RNLS: variants seen among roughly 807,000 people sequenced by gnomAD.
RNLS encodes renalase, FAD dependent amine oxidase, also known as renalase.
RNLS carries 39 observed loss-of-function variants against 39.8 expected under a neutral mutation model. The observed-to-expected ratio is 0.98, with a 90% CI of 0.76 to 1.28. The LOEUF is 1.28. RNLS is among the 50% of genes most tolerant of loss of function. The probability of loss-of-function intolerance (pLI) is 0.00; values close to 1 mark genes in which losing one functional copy is unlikely to be tolerated. For missense variants in RNLS, 410 were observed against 413.3 expected (o/e 0.99, Z 0.07); for synonymous variants, 147 against 150.7 (o/e 0.98, Z 0.18).
At chr10:88,213,223 T>TG in the RNLS span, among the ~76,000 whole-genome samples, 2 of 152,098 alleles carry the variant, frequency 1.3e-5, no homozygotes, top group Non-Finnish European at 1.5e-5. Context: ...AAAAATAATT[T>TG]GGGGGGCAGG....
intron 4 of RNLS, among the ~76,000 whole-genome samples, chr10:88,553,762 T>G (rs1848712882): frequency 6.6e-6 from 1 of 152,168 alleles, no homozygotes; most frequent in African/African-American, 2.4e-5. Flanking sequence ...TTAAATATAT[T>G]AGTTCAAGTC....
chr10:88,205,817 C>T, the RNLS span, among the ~76,000 whole-genome samples: 1 of 152,218 alleles, frequency 6.6e-6, no homozygotes, highest in African/African-American at 2.4e-5. Flanking sequence ...CATGTATACC[C>T]TGGAAGAGGA....
In RNLS at chr10:88,435,634, AC is replaced by A. The variant is rs530981325; in HGVS notation, c.527-72910del. Among the ~76,000 whole-genome samples the A allele has an allele frequency of 1.8e-4, 27 of 152,276 alleles. 1 individual carries two copies. Among genetic ancestry groups the A allele is most frequent in the African/African-American group, 6.0e-4 (25 of 41,576 alleles). ...CTGGAATTAGAAGTTTCCAGACAAC[AC>A]AAAAACTATCTCAATAGATAGCTGG... On this transcript the variant is annotated intron_variant, in intron 4 of 6. Transcript: ENST00000331772.
intron 4 of RNLS, among the ~76,000 whole-genome samples, chr10:88,452,239 G>C (rs1447770818): frequency 1.3e-5 from 2 of 152,124 alleles, no homozygotes; most frequent in East Asian, 3.8e-4. Flanking sequence ...TGATAGTCTA[G>C]TACAAAGATC....
intron 5 of RNLS, chr10:88,343,931 G>T: frequency 2.2e-6 from 1 of 448,130 alleles, no homozygotes; most frequent in Non-Finnish European, 2.9e-6. Flanking sequence ...CTTCCACAAT[G>T]CCTAAAAAAG....
At chr10:88,270,207 T>C (rs958186103), downstream of RNLS, among the ~76,000 whole-genome samples, 2 of 152,174 alleles carry the variant, frequency 1.3e-5, no homozygotes, top group Non-Finnish European at 2.9e-5. Flanking sequence ...TTGATCGACC[T>C]TTGTACTCCA....
chr10:88,449,461 G>T (rs1842241421), intron 4 of RNLS, among the ~76,000 whole-genome samples: 1 of 152,180 alleles, frequency 6.6e-6, no homozygotes, highest in Non-Finnish European at 1.5e-5. Context: ...TCCTCATTCT[G>T]ATTAATTTAT....
the RNLS span, among the ~76,000 whole-genome samples, chr10:88,231,657 GGGCTGGTAGGGGCGTAA>G: frequency 1.3e-5 from 2 of 152,306 alleles, no homozygotes. Flanking sequence ...AGAAGTGTCA[GGGCTGGTAGGGGCGTAA>G]GGCTGAAACC....
chr10:88,467,244 T>G (rs376954712), intron 4 of RNLS, among the ~76,000 whole-genome samples: 1 of 150,184 alleles, frequency 6.7e-6, no homozygotes, highest in Non-Finnish European at 1.5e-5. Context: ...AAAGGAAAAG[T>G]TTTTTTCAAA....
chr10:88,463,994 G>A (rs1843072714), intron 4 of RNLS, among the ~76,000 whole-genome samples: 1 of 151,960 alleles, frequency 6.6e-6, no homozygotes, highest in Non-Finnish European at 1.5e-5. Context: ...CCTTGAGTAT[G>A]TAGAACAATG....
At chr10:88,480,821 A>ATG (rs1844118961) in intron 4 of RNLS, among the ~76,000 whole-genome samples, 3 of 98,432 alleles carry the variant, frequency 3.0e-5, no homozygotes, top group African/African-American at 1.3e-4. Context: ...GTGTGTGTGT[A>ATG]TGTGTTCTAT....
the RNLS span, among the ~76,000 whole-genome samples, chr10:88,173,004 C>T: frequency 1.3e-5 from 2 of 151,020 alleles, no homozygotes; most frequent in Non-Finnish European, 3.0e-5. Context: ...CTACAGGCAC[C>T]CACCACCACG....
At chr10:88,447,757 A>T (rs1842128061) in intron 4 of RNLS, among the ~76,000 whole-genome samples, 1 of 152,210 alleles carries the variant, frequency 6.6e-6, no homozygotes, top group Non-Finnish European at 1.5e-5. Context: ...ACTTCAAACT[A>T]AACTACAAGG....
chr10:88,203,460 A>G, the RNLS span, among the ~76,000 whole-genome samples: 2 of 1,274 alleles, frequency 1.6e-3, 1 homozygote, highest in African/African-American at 0.016. Flanking sequence ...GTGTGTGTAT[A>G]TATATATATA....
intron 6 of RNLS, chr10:88,309,382 C>T: frequency 1.6e-6 from 2 of 1,285,848 alleles, no homozygotes; most frequent in Non-Finnish European, 2.0e-6. Flanking sequence ...GACACTATTA[C>T]TCACCAGAAA....
chr10:88,423,914 C>A (rs1309467680), intron 4 of RNLS, among the ~76,000 whole-genome samples: 1 of 152,194 alleles, frequency 6.6e-6, no homozygotes, highest in Non-Finnish European at 1.5e-5. Context: ...TTGAAGAGCT[C>A]TTGAGCCAGG....
intron 4 of RNLS, among the ~76,000 whole-genome samples, chr10:88,543,379 T>C (rs1187104092): frequency 6.6e-6 from 1 of 152,120 alleles, no homozygotes; most frequent in East Asian, 1.9e-4. Context: ...ACAAAGAAAT[T>C]TGCTCCAATA....
chr10:88,439,423 C>A (rs1841587848), intron 4 of RNLS, among the ~76,000 whole-genome samples: 1 of 152,164 alleles, frequency 6.6e-6, no homozygotes, highest in Non-Finnish European at 1.5e-5. Flanking sequence ...CTGAAACCAA[C>A]AAAGGGACAT....
chr10:88,279,892 C>G (rs1053334423), downstream of RNLS, among the ~76,000 whole-genome samples: 1 of 152,114 alleles, frequency 6.6e-6, no homozygotes, highest in South Asian at 2.1e-4. Flanking sequence ...CAGAAAGTGG[C>G]CCAGAGCTGG....
Sources: gnomAD v4.1 joint callset for allele counts (sites outside exome capture counted in the v4.1 genomes callset) on GRCh38, gnomAD v4.1.1 for gene constraint, MANE v1.5 for transcripts, NCBI Gene and HGNC (gene_info 2026-07-23, HGNC 2026-07-21) for gene names.